MTUS2: variants seen among roughly 807,000 people sequenced by gnomAD.
MTUS2 encodes the protein microtubule-associated tumor suppressor candidate 2.
MTUS2 carries 40 observed loss-of-function variants against 114.1 expected under a neutral mutation model. The observed-to-expected ratio is 0.35, with a 90% CI of 0.27 to 0.46. The LOEUF is 0.46. Among genes scored for constraint, MTUS2 ranks in the 20% least tolerant of loss-of-function variants. The pLI, the probability that MTUS2 is intolerant of heterozygous loss-of-function variation, is 1.00. For synonymous variants in MTUS2, 688 were observed against 672.0 expected, an observed-to-expected ratio of 1.02 and a Z score of -0.37; for missense variants, 1,679 against 1,705.4, an observed-to-expected ratio of 0.98 and a Z score of 0.27.
intron 8 of MTUS2, among the ~76,000 whole-genome samples, chr13:29,366,164 G>A (rs1870695612): frequency 6.6e-6 from 1 of 152,188 alleles, no homozygotes; most frequent in South Asian, 2.1e-4. Flanking sequence ...TTGAGACTGG[G>A]CAATTTACAA....
rs186621157 is a variant in MTUS2 at position 29,256,804 on chromosome 13, A to T, written c.2645-24900A>T. 7.2e-4 allele frequency among the ~76,000 whole-genome samples: 109 copies of T among 152,314 alleles called. 2 individuals carry two copies. Among genetic ancestry groups the T allele is most frequent in the African/African-American group, 2.6e-3 (107 of 41,580 alleles). ...CTTCATACCTCATTCAGGACCCTCC[A>T]TGACTTGGAGTTCCTCCTCCAAATC... On this transcript the variant is annotated intron_variant, in intron 5 of 15. Coordinates refer to ENST00000612955, the MANE Select transcript of MTUS2 (RefSeq NM_001033602.4).
At position 29,318,836 on chromosome 13, in the gene MTUS2, T is replaced by C. The variant is rs116802849; in HGVS notation, c.2807-5777T>C. On this transcript the variant is annotated intron_variant, in intron 6 of 15. Coordinates refer to ENST00000612955, the MANE Select transcript of MTUS2 (RefSeq NM_001033602.4). Reference sequence around the variant, plus strand: ...TAGGCAGCACCCACCCCTGTAGGCTTTTGAGATGCTTCTTGCTACACTATG... The same window carrying C: ...TAGGCAGCACCCACCCCTGTAGGCTCTTGAGATGCTTCTTGCTACACTATG... Among the ~76,000 whole-genome samples, 688 of 152,246 alleles carry C rather than the reference T, an allele frequency of 4.5e-3. 6 individuals carry two copies. Among genetic ancestry groups the C allele is most frequent in the African/African-American group, 0.016 (659 of 41,560 alleles).
chr13:29,491,691 AGTG>A (rs1882107779), intron 11 of MTUS2, among the ~76,000 whole-genome samples: 1 of 108,898 alleles, frequency 9.2e-6, no homozygotes, highest in African/African-American at 3.7e-5. Flanking sequence ...GTGTGTGTGG[AGTG>A]TGGTGTATTC....
At chr13:28,958,480 A>G (rs1883174030) in intron 2 of MTUS2, among the ~76,000 whole-genome samples, 2 of 152,230 alleles carry the variant, frequency 1.3e-5, no homozygotes, top group African/African-American at 4.8e-5. Flanking sequence ...GATGTTGGGA[A>G]ATTTGTATAT....
At chr13:29,309,182 C>T (rs1388578939) in intron 6 of MTUS2, among the ~76,000 whole-genome samples, 1 of 152,076 alleles carries the variant, frequency 6.6e-6, no homozygotes, top group Admixed American at 6.6e-5. Flanking sequence ...AACCCAAATT[C>T]CCATCAATGA....
intron 2 of MTUS2, among the ~76,000 whole-genome samples, chr13:28,980,864 A>AT (rs958873682): frequency 1.3e-5 from 2 of 152,088 alleles, no homozygotes; most frequent in Non-Finnish European, 2.9e-5. Context: ...TGGCCATGTA[A>AT]TTTTTTTGTC....
At chr13:29,290,478 T>C (rs1316750741) in intron 6 of MTUS2, among the ~76,000 whole-genome samples, 6 of 152,148 alleles carry the variant, frequency 3.9e-5, no homozygotes, top group South Asian at 2.1e-4. Context: ...TACAGGCGCC[T>C]GCCACCACGC....
intron 5 of MTUS2, among the ~76,000 whole-genome samples, chr13:29,230,676 T>G (rs2139358275): frequency 6.6e-6 from 1 of 152,368 alleles, no homozygotes; most frequent in African/African-American, 2.4e-5. Context: ...TTTCACAAAC[T>G]TTGAAATCAG....
At chr13:29,416,705 C>T (rs563052605) in intron 8 of MTUS2, among the ~76,000 whole-genome samples, 123 of 152,128 alleles carry the variant, frequency 8.1e-4, no homozygotes, top group African/African-American at 2.9e-3. Flanking sequence ...AAATGAAGAT[C>T]TATATTTTCT....
intron 6 of MTUS2, among the ~76,000 whole-genome samples, chr13:29,309,622 G>C (rs991631133): frequency 1.3e-5 from 2 of 150,972 alleles, no homozygotes; most frequent in African/African-American, 4.9e-5. Context: ...CATTTGTTGT[G>C]TAAAAAAATT....
chr13:29,398,507 G>A (rs1187542892), intron 8 of MTUS2, among the ~76,000 whole-genome samples: 7 of 146,212 alleles, frequency 4.8e-5, no homozygotes, highest in East Asian at 3.9e-4. Context: ...AAAAAAGAGC[G>A]AAAAATTAAG....
chr13:29,060,643 A>G (rs1888371509), intron 4 of MTUS2, among the ~76,000 whole-genome samples: 1 of 150,986 alleles, frequency 6.6e-6, no homozygotes. Flanking sequence ...TAGGCTTTAA[A>G]AATCTAATCC....
At chr13:29,317,271 C>T (rs1288677069) in intron 6 of MTUS2, among the ~76,000 whole-genome samples, 1 of 152,158 alleles carries the variant, frequency 6.6e-6, no homozygotes, top group Non-Finnish European at 1.5e-5. Flanking sequence ...TCCACCTTCC[C>T]AGTATTCAGA....
At chr13:29,045,333 T>C (rs1887565042) in intron 4 of MTUS2, among the ~76,000 whole-genome samples, 1 of 152,152 alleles carries the variant, frequency 6.6e-6, no homozygotes, top group East Asian at 1.9e-4. Context: ...ATTTTTGCCA[T>C]AGCCTTACAT....
intron 2 of MTUS2, among the ~76,000 whole-genome samples, chr13:28,959,411 G>A (rs1883220720): frequency 6.6e-6 from 1 of 152,176 alleles, no homozygotes; most frequent in Admixed American, 6.5e-5. Context: ...CCCTTCCATG[G>A]TTCAGTGGAA....
At chr13:29,213,606 C>CT (rs1895547274) in intron 5 of MTUS2, among the ~76,000 whole-genome samples, 1 of 152,172 alleles carries the variant, frequency 6.6e-6, no homozygotes, top group Non-Finnish European at 1.5e-5. Context: ...CCTGGTAATA[C>CT]TTTTTTCCTT....
intron 5 of MTUS2, among the ~76,000 whole-genome samples, chr13:29,159,461 T>TG (rs1329732700): frequency 2.0e-5 from 3 of 152,056 alleles, no homozygotes; most frequent in East Asian, 1.9e-4. Context: ...ATTCTTGGGT[T>TG]GGGTGTCAGA....
At chr13:29,344,025 G>A (rs112171822) in intron 7 of MTUS2, among the ~76,000 whole-genome samples, 11,864 of 152,064 alleles carry the variant, frequency 0.078, 1,484 homozygotes, top group African/African-American at 0.26. Flanking sequence ...AGTACTTGAT[G>A]TAATTTCAAT....
At chr13:29,256,875 G>A (rs547640491) in intron 5 of MTUS2, among the ~76,000 whole-genome samples, 3 of 152,174 alleles carry the variant, frequency 2.0e-5, no homozygotes, top group East Asian at 1.9e-4. Context: ...ATCCAAGCAG[G>A]TATTCTCAAA....
Sources: gnomAD v4.1 joint callset for allele counts (sites outside exome capture counted in the v4.1 genomes callset) on GRCh38, gnomAD v4.1.1 for gene constraint, MANE v1.5 for transcripts, NCBI Gene and HGNC (gene_info 2026-07-23, HGNC 2026-07-21) for gene names.